Variants in CD226 observed in about 807,000 individuals in gnomAD.
The protein encoded by CD226 is CD226 molecule.
Under a neutral mutation model 34.9 loss-of-function variants are expected in CD226, and 24 were observed. The observed-to-expected ratio is 0.69, with a 90% CI of 0.50 to 0.97. The LOEUF (loss-of-function observed/expected upper bound fraction) is 0.97. Among genes scored for constraint, CD226 ranks in the 50% least tolerant of loss-of-function variants. The probability of loss-of-function intolerance (pLI) is 0.00; values close to 1 mark genes in which losing one functional copy is unlikely to be tolerated. For missense variants in CD226, 397 were observed against 412.7 expected, an observed-to-expected ratio of 0.96 and a Z score of 0.33; for synonymous variants, 148 against 147.4, an observed-to-expected ratio of 1.00 and a Z score of -0.03.
At chr18:69,900,518 G>C (rs1410420933) in intron 2 of CD226, among the ~76,000 whole-genome samples, 1 of 151,680 alleles carries the variant, frequency 6.6e-6, no homozygotes, top group Non-Finnish European at 1.5e-5. Flanking sequence ...GGATCACGAG[G>C]TCAGGAGATC....
intron 2 of CD226, 150 bp from the exon 3 acceptor site, chr18:69,896,195 T>TTTC (rs1985284042): frequency 3.6e-6 from 5 of 1,406,808 alleles, no homozygotes; most frequent in Non-Finnish European, 4.6e-6. Flanking sequence ...TTTTTTTTTT[T>TTTC]TCCTGAGACG....
chr18:69,882,501 G>C (rs1242529538), intron 3 of CD226, among the ~76,000 whole-genome samples: 1 of 152,222 alleles, frequency 6.6e-6, no homozygotes, highest in Non-Finnish European at 1.5e-5. Context: ...TGAGGACAAA[G>C]AGATGGGAAC....
rs950164824 is a variant in CD226 at position 69,895,576 on chromosome 18, C to T, written c.727+125G>A. 21 of 712,398 alleles carry T rather than the reference C, an allele frequency of 2.9e-5. No homozygotes were observed. In the African/African-American group the frequency reaches 3.7e-4, roughly 13 times the overall value. The allele number at this position is 712,398 out of a possible 1,614,324, so 44.1% of individuals were successfully genotyped here. A position where few individuals can be genotyped will look rare whatever the true frequency, so the allele number is the denominator to read the frequency against. On this transcript the variant is annotated intron_variant, in intron 3 of 5. Coordinates refer to ENST00000582621, the MANE Select transcript of CD226 (RefSeq NM_001303618.2). ...TAATGGCCAACTCACCTAAATTCAG[C>T]CATTTAAAAAAATGCTGAATATGCG...
chr18:69,904,812 G>A (rs1304246450), intron 2 of CD226, among the ~76,000 whole-genome samples: 1 of 152,062 alleles, frequency 6.6e-6, no homozygotes, highest in Non-Finnish European at 1.5e-5. Context: ...GTTACCAATT[G>A]GCCCCCCAGG....
chr18:69,903,820 A>C (rs1023882974), intron 2 of CD226, among the ~76,000 whole-genome samples: 3 of 152,088 alleles, frequency 2.0e-5, no homozygotes, highest in Non-Finnish European at 2.9e-5. Context: ...TTCACTTTGG[A>C]CTTCAAACTG....
At chr18:69,914,114 T>C (rs1276246454) in intron 2 of CD226, among the ~76,000 whole-genome samples, 2 of 152,240 alleles carry the variant, frequency 1.3e-5, no homozygotes, top group Non-Finnish European at 2.9e-5. Context: ...GTATTTATAC[T>C]ACCATCTATG....
At chr18:69,877,909 G>A (rs955126157) in intron 3 of CD226, among the ~76,000 whole-genome samples, 2 of 152,198 alleles carry the variant, frequency 1.3e-5, no homozygotes, top group African/African-American at 2.4e-5. Flanking sequence ...AATCTAGAGT[G>A]GCCCAGCCTG....
chr18:69,866,495 T>TA (rs1004829769), intron 5 of CD226, among the ~76,000 whole-genome samples: 4 of 151,938 alleles, frequency 2.6e-5, no homozygotes, highest in African/African-American at 9.7e-5. Flanking sequence ...CATAAGGAAA[T>TA]AAAAAAGTTC....
chr18:69,877,248 C>T (rs1457244700), intron 3 of CD226, among the ~76,000 whole-genome samples: 1 of 152,034 alleles, frequency 6.6e-6, no homozygotes, highest in East Asian at 1.9e-4. Flanking sequence ...CTGGTGGAGC[C>T]AGTTATAGAG....
intron 2 of CD226, among the ~76,000 whole-genome samples, chr18:69,926,994 G>A (rs1158853309): frequency 1.3e-5 from 2 of 152,030 alleles, no homozygotes; most frequent in African/African-American, 2.4e-5. Context: ...AATAATCCTG[G>A]AACTAAGCTC....
intron 2 of CD226, among the ~76,000 whole-genome samples, chr18:69,932,011 C>T (rs2055595122): frequency 6.6e-6 from 1 of 152,174 alleles, no homozygotes; most frequent in Non-Finnish European, 1.5e-5. Context: ...CCCTCTGTGT[C>T]CTAATCTCCT....
chr18:69,903,591 T>A (rs2055213800), intron 2 of CD226, among the ~76,000 whole-genome samples: 1 of 152,112 alleles, frequency 6.6e-6, no homozygotes. Flanking sequence ...GAAGTCATCC[T>A]GGAATAGGGT....
At chr18:69,961,208 A>C (rs567054178), upstream of CD226, among the ~76,000 whole-genome samples, 43 of 152,344 alleles carry the variant, frequency 2.8e-4, no homozygotes, top group Admixed American at 2.2e-3. Flanking sequence ...AATGTACCTC[A>C]AGAATTTGTA....
intron 2 of CD226, among the ~76,000 whole-genome samples, chr18:69,919,211 TC>T (rs2055421813): frequency 6.6e-6 from 1 of 152,230 alleles, no homozygotes; most frequent in Non-Finnish European, 1.5e-5. Context: ...ATTTGCCACT[TC>T]GTTTCTCAAG....
rs1982839147 is a variant in CD226 at position 69,861,665 on chromosome 18, T to C, written c.*2649A>G. The C allele has an allele frequency of 6.6e-6, 1 of 151,440 alleles. No homozygotes were observed. The highest frequency in any genetic ancestry group is 1.5e-5 in the Non-Finnish European group (1 of 67,812). The allele number at this position is 151,440 out of a possible 1,614,324, so 9.4% of individuals were successfully genotyped here. ...AATTTACTGGAATTCTGATCGTTTA[T>C]TCTGTGGATCTGTTTTTCATCTGCT... On this transcript the variant is annotated 3_prime_UTR_variant, in exon 6 of 6. Coordinates refer to ENST00000582621, the MANE Select transcript of CD226 (RefSeq NM_001303618.2).
chr18:69,888,240 T>C (rs1984677047), intron 3 of CD226, among the ~76,000 whole-genome samples: 1 of 152,198 alleles, frequency 6.6e-6, no homozygotes, highest in African/African-American at 2.4e-5. Flanking sequence ...CAATCATTTA[T>C]GTTCAGTTTT....
intron 2 of CD226, among the ~76,000 whole-genome samples, chr18:69,927,825 A>G (rs1301457209): frequency 1.3e-5 from 2 of 152,198 alleles, no homozygotes; most frequent in Non-Finnish European, 2.9e-5. Context: ...CATTTTGTCC[A>G]TTTATTCCTC....
At chr18:69,905,074 G>T (rs1347056507) in intron 2 of CD226, among the ~76,000 whole-genome samples, 1 of 152,146 alleles carries the variant, frequency 6.6e-6, no homozygotes, top group Non-Finnish European at 1.5e-5. Flanking sequence ...AGTGCATTTA[G>T]TCCCCACAAA....
chr18:69,933,587 C>A (rs1438315723), intron 2 of CD226, among the ~76,000 whole-genome samples: 1 of 152,156 alleles, frequency 6.6e-6, no homozygotes, highest in Non-Finnish European at 1.5e-5. Flanking sequence ...TTTTACATGG[C>A]GTATAGGCAT....
Sources: gnomAD v4.1 joint callset for allele counts (sites outside exome capture counted in the v4.1 genomes callset) on GRCh38, gnomAD v4.1.1 for gene constraint, MANE v1.5 for transcripts, NCBI Gene and HGNC (gene_info 2026-07-23, HGNC 2026-07-21) for gene names.